Variants in PYGB observed in about 807,000 individuals in gnomAD.
The protein encoded by PYGB is glycogen phosphorylase B.
A neutral mutation model predicts 94.3 loss-of-function variants in PYGB; 82 were observed. The ratio of observed to expected loss-of-function variants is 0.87; its 90% CI spans 0.73 to 1.04. PYGB has a LOEUF of 1.04. Among genes scored for constraint, PYGB ranks in the 50% least tolerant of loss-of-function variants. The pLI, the probability that PYGB is intolerant of heterozygous loss-of-function variation, is 0.00. For missense variants in PYGB, 1,132 were observed against 1,158.2 expected (o/e 0.98, Z 0.33); for synonymous variants, 488 against 479.1 (o/e 1.02, Z -0.24).
rs367624177 is a variant in PYGB at position 25,274,662 on chromosome 20, C to G, written c.599C>G (p.Pro200Arg). The change falls in exon 5 of 20, where the codon CCC becomes CGC. Residue 200 changes from proline (P) to arginine (R), a missense_variant. Transcript: ENST00000216962. ...WEKARPEYMLPVHFYGRVEHT... is the reference protein window; with the variant it reads ...WEKARPEYMLRVHFYGRVEHT... ...AAAGCGCGGCCTGAGTATATGCTTC[C>G]CGTGCACTTCTACGGACGCGTGGAG... 6.2e-7 allele frequency: 1 copy of G among 1,613,816 alleles called. No individual in the cohort carries two copies. Among genetic ancestry groups the G allele is most frequent in the Non-Finnish European group, 8.5e-7 (1 of 1,180,034 alleles).
chr20:25,278,605 A>C (rs2088336457), intron 8 of PYGB, 143 bp downstream of exon 8: 1 of 1,229,278 alleles, frequency 8.1e-7, no homozygotes. Flanking sequence ...CTGGGCCAGG[A>C]TCCCACCTGG....
chr20:25,295,705 C>T (rs781523770), intron 19 of PYGB, 35 bp downstream of exon 19: 3 of 1,576,042 alleles, frequency 1.9e-6, no homozygotes, highest in South Asian at 2.2e-5. Flanking sequence ...AGGGGAGCAG[C>T]TGGGTGGGTC....
chr20:25,283,755 T>C (rs2088391039), intron 13 of PYGB, among the ~76,000 whole-genome samples: 3 of 152,190 alleles, frequency 2.0e-5, no homozygotes, highest in South Asian at 4.1e-4. Flanking sequence ...GGCCTCCTCA[T>C]AGAGGCCAGA....
chr20:25,251,716 C>G (rs555386479), intron 1 of PYGB, among the ~76,000 whole-genome samples: 1 of 152,276 alleles, frequency 6.6e-6, no homozygotes, highest in South Asian at 2.1e-4. Context: ...CTTTGTGAAG[C>G]TGTGTTGTCG....
At chr20:25,259,431 G>C (rs2092908931) in intron 2 of PYGB, 93 bp downstream of exon 2, 1 of 946,950 alleles carries the variant, frequency 1.1e-6, no homozygotes, top group Middle Eastern at 3.3e-4. Flanking sequence ...CTGATGTTAA[G>C]ACTAGCAGCT....
At chr20:25,294,400 C>T (rs1182862448) in intron 18 of PYGB, 108 bp downstream of exon 18, 2 of 1,361,398 alleles carry the variant, frequency 1.5e-6, no homozygotes, top group East Asian at 2.4e-5. Context: ...CCCGTGCTTT[C>T]AGGACGTCTT....
Position 25,248,105 on chromosome 20 carries a change from G to A in PYGB, c.-74G>A. The A allele has an allele frequency of 2.8e-6, 4 of 1,441,530 alleles. No homozygotes were observed. The highest frequency in any genetic ancestry group is 2.9e-5 in the East Asian group (1 of 34,850). The allele number at this position is 1,441,530 out of a possible 1,614,324, so 89.3% of individuals were successfully genotyped here. A position where few individuals can be genotyped will look rare whatever the true frequency, so the allele number is the denominator to read the frequency against. On this transcript the variant is annotated 5_prime_UTR_variant, in exon 1 of 20. Coordinates refer to ENST00000216962, the MANE Select transcript of PYGB (RefSeq NM_002862.4). The stretch of plus-strand genomic sequence containing the variant: ...GCGCCAGAGCAGCGGCGCCAGAGCA[G>A]CTGCACCATCCCGGCGTTCGCGTGT...
intron 2 of PYGB, among the ~76,000 whole-genome samples, chr20:25,267,284 G>A (rs1275947763): frequency 1.3e-5 from 2 of 152,206 alleles, no homozygotes; most frequent in Non-Finnish European, 2.9e-5. Context: ...GTGATTGACA[G>A]AGGTGGGGGA....
intron 2 of PYGB, among the ~76,000 whole-genome samples, 170 bp downstream of exon 2, chr20:25,259,508 C>G (rs886079500): frequency 1.1e-4 from 16 of 152,204 alleles, no homozygotes; most frequent in African/African-American, 3.6e-4. Flanking sequence ...CGGGGCTGCT[C>G]TCTGTTTTTG....
At chr20:25,274,856 G>C in intron 5 of PYGB, 133 bp downstream of exon 5, 1 of 1,369,818 alleles carries the variant, frequency 7.3e-7, no homozygotes, top group South Asian at 1.4e-5. Flanking sequence ...GGTAAAAGCC[G>C]GGGGAGGTTT....
intron 18 of PYGB, chr20:25,294,771 T>A: frequency 3.0e-6 from 2 of 671,542 alleles, no homozygotes; most frequent in Non-Finnish European, 5.4e-6. Context: ...AGTGTTTTAT[T>A]TCAGTGCAGT....
chr20:25,293,128 G>C (rs1321498654), intron 17 of PYGB, among the ~76,000 whole-genome samples: 9 of 1,816 alleles, frequency 5.0e-3, no homozygotes, highest in Non-Finnish European at 9.5e-3. Flanking sequence ...GGCCAGGGTC[G>C]GGGGGGGTGG....
chr20:25,287,935 T>C (rs1275119656), intron 14 of PYGB, among the ~76,000 whole-genome samples: 1 of 152,062 alleles, frequency 6.6e-6, no homozygotes, highest in Admixed American at 6.5e-5. Context: ...GAGCTACGCT[T>C]ACACCACCGC....
rs572504371 is a variant in PYGB, at chr20:25,278,109, G to A, written c.856-210G>A. Among the ~76,000 whole-genome samples the A allele has an allele frequency of 2.1e-3, 321 of 152,362 alleles. 1 individual carries two copies. Among genetic ancestry groups the A allele is most frequent in the African/African-American group, 7.2e-3 (301 of 41,592 alleles). On this transcript the variant is annotated intron_variant, in intron 7 of 19. Coordinates refer to ENST00000216962, the MANE Select transcript of PYGB (RefSeq NM_002862.4). ...GCAGCGCTGGCACTGTACTTCTGAC[G>A]GATGGACACTGTGTCCCGGGGTGTG...
At position 25,297,283 on chromosome 20, in the gene PYGB, A is replaced by AAAAG. The variant is rs1491199954; in HGVS notation, c.*763_*766dup. ...CAGCTTAGCTTGGTTTTGCTTATTC[A>AAAAG]AAAGAGAAAATAACTACACATGGAA... On this transcript the variant is annotated 3_prime_UTR_variant, in exon 20 of 20. Transcript: ENST00000216962. 2.0e-5 allele frequency: 3 copies of AAAAG among 152,274 alleles called. No homozygotes were observed. Among genetic ancestry groups the AAAAG allele is most frequent in the African/African-American group, 7.2e-5 (3 of 41,468 alleles). The allele number at this position is 152,274 out of a possible 1,614,324, so 9.4% of individuals were successfully genotyped here. A position where few individuals can be genotyped will look rare whatever the true frequency, so the allele number is the denominator to read the frequency against.
chr20:25,283,823 C>T (rs1409717710), intron 13 of PYGB, among the ~76,000 whole-genome samples: 1 of 152,188 alleles, frequency 6.6e-6, no homozygotes, highest in Non-Finnish European at 1.5e-5. Context: ...CCGCCGCCTG[C>T]ACGCCTGGCT....
At chr20:25,259,485 A>G (rs1486803824) in intron 2 of PYGB, 147 bp downstream of exon 2, 1 of 623,778 alleles carries the variant, frequency 1.6e-6, no homozygotes, top group Non-Finnish European at 2.7e-6. Context: ...CCCTCCTGGA[A>G]GGAATGGGTT....
At chr20:25,248,974 G>A (rs1419806594) in intron 1 of PYGB, among the ~76,000 whole-genome samples, 2 of 152,256 alleles carry the variant, frequency 1.3e-5, no homozygotes, top group Non-Finnish European at 2.9e-5. Flanking sequence ...GCTCAGAGAT[G>A]GAGATGGAGC....
At chr20:25,249,148 C>A (rs2092880305) in intron 1 of PYGB, among the ~76,000 whole-genome samples, 1 of 152,206 alleles carries the variant, frequency 6.6e-6, no homozygotes. Flanking sequence ...TACTCTTAAC[C>A]ATGTTTACTA....
Sources: allele counts gnomAD v4.1 joint callset (sites outside exome capture counted in the v4.1 genomes callset), GRCh38; gene constraint gnomAD v4.1.1; transcripts MANE v1.5; gene names NCBI Gene and HGNC (gene_info 2026-07-23, HGNC 2026-07-21).